The following SLC12A1 variants were observed in gnomAD, a reference collection of about 807,000 sequenced individuals.
SLC12A1 encodes the protein Na-K-2Cl cotransporter.
A neutral mutation model predicts 130.4 loss-of-function variants in SLC12A1; 89 were observed. That is an observed-to-expected ratio of 0.68 (90% CI 0.58 to 0.81). The LOEUF is 0.81. Ranked by LOEUF, SLC12A1 falls within the 40% of genes least tolerant of loss-of-function variation. The pLI is 0.00. For missense variants in SLC12A1, 1,310 were observed against 1,336.4 expected, an observed-to-expected ratio of 0.98 and a Z score of 0.31; for synonymous variants, 499 against 460.0, an observed-to-expected ratio of 1.08 and a Z score of -1.09.
intron 4 of SLC12A1, chr15:48,225,892 T>A (rs2041279249): frequency 1.0e-6 from 1 of 985,190 alleles, no homozygotes; most frequent in Admixed American, 6.1e-5. Flanking sequence ...TGACAGTGAC[T>A]GGTATCACTG....
intron 24 of SLC12A1, 107 bp downstream of exon 24, chr15:48,291,971 C>A: frequency 1.4e-6 from 1 of 713,326 alleles, no homozygotes; most frequent in Non-Finnish European, 2.4e-6. Flanking sequence ...GCAGCGACTT[C>A]TTGATAGGAT....
At chr15:48,234,842 T>C (rs1280767288) in intron 8 of SLC12A1, 35 bp from the exon 9 acceptor site, 8 of 1,608,620 alleles carry the variant, frequency 5.0e-6, no homozygotes, top group Non-Finnish European at 6.8e-6. Context: ...GTGAAAAATG[T>C]CTACATCATA....
rs2042207357 is a variant in SLC12A1 at position 48,299,219 on chromosome 15, A to C, written c.3040A>C (p.Lys1014Gln). The change falls in exon 25 of 27, where the codon AAA becomes CAA. Residue 1014 changes from lysine to glutamine, a missense_variant. Lys to Gln is a moderately conservative substitution (Grantham distance 53). Transcript: ENST00000380993. ...AGATTTAACAACTGCTGAGAAATTA[A>C]AAAGAGAAACTCCGTGGAAAATTAC... ...CKDLTTAEKL[K>Q]RETPWKITDA... is the part of the protein sequence containing the mutation. 6.2e-7 allele frequency: 1 copy of C among 1,609,912 alleles called. No homozygotes were observed. Among genetic ancestry groups the C allele is most frequent in the Non-Finnish European group, 8.5e-7 (1 of 1,178,826 alleles).
intron 13 of SLC12A1, among the ~76,000 whole-genome samples, chr15:48,247,975 G>A (rs887328033): frequency 2.6e-5 from 4 of 152,210 alleles, no homozygotes; most frequent in African/African-American, 9.7e-5. Flanking sequence ...ACTGGCATTT[G>A]AGAATCACTT....
At chr15:48,229,516 G>A (rs1264263352) in intron 6 of SLC12A1, among the ~76,000 whole-genome samples, 188 bp downstream of exon 6, 1 of 152,196 alleles carries the variant, frequency 6.6e-6, no homozygotes, top group Admixed American at 6.5e-5. Context: ...AGCCAAGAAA[G>A]TTTGGATTAG....
chr15:48,251,840 T>A (rs1365551748), intron 15 of SLC12A1, 70 bp downstream of exon 15: 1 of 1,401,160 alleles, frequency 7.1e-7, no homozygotes, highest in African/African-American at 1.4e-5. Context: ...AAGCATTTAT[T>A]GAGCAGCTTC....
chr15:48,296,657 A>G (rs1285869704), intron 24 of SLC12A1, among the ~76,000 whole-genome samples: 1 of 152,234 alleles, frequency 6.6e-6, no homozygotes, highest in Non-Finnish European at 1.5e-5. Context: ...ATGAGGAACA[A>G]GGATGAGGAA....
At chr15:48,229,005 A>C (rs1469058125) in intron 5 of SLC12A1, 184 bp from the exon 6 acceptor site, 5 of 538,574 alleles carry the variant, frequency 9.3e-6, no homozygotes, top group Non-Finnish European at 1.6e-5. Context: ...ATTGTAGATT[A>C]AGTACAGAGT....
chr15:48,250,054 T>C (rs1370449360), intron 14 of SLC12A1, among the ~76,000 whole-genome samples: 1 of 152,180 alleles, frequency 6.6e-6, no homozygotes. Flanking sequence ...TTCCTGCCCA[T>C]GGTGCAGAAG....
chr15:48,217,184 G>A (rs2041132480), intron 2 of SLC12A1, among the ~76,000 whole-genome samples: 1 of 151,904 alleles, frequency 6.6e-6, no homozygotes, highest in African/African-American at 2.4e-5. Flanking sequence ...TACAAGTTGG[G>A]GTGCAACTAT....
intron 24 of SLC12A1, among the ~76,000 whole-genome samples, chr15:48,292,250 G>A (rs1024092966): frequency 6.6e-6 from 1 of 152,084 alleles, no homozygotes; most frequent in African/African-American, 2.4e-5. Context: ...GAGCTCTGAT[G>A]GAGAATATAT....
chr15:48,257,642 C>T (rs1427295766), intron 16 of SLC12A1, among the ~76,000 whole-genome samples: 1 of 152,304 alleles, frequency 6.6e-6, no homozygotes, highest in Non-Finnish European at 1.5e-5. Context: ...TACCTTGGCC[C>T]CTTTTAGCCA....
rs765902420 is a variant in SLC12A1, at chr15:48,207,907, G to C, written c.188G>C (p.Arg63Thr). Residue 63 changes from arginine to threonine, a missense_variant, in exon 2 of 27, where the codon AGG becomes ACG. Arg to Thr is a moderately conservative substitution (Grantham distance 71). Transcript: ENST00000380993. Reference protein sequence around the residue: ...EAQKRLRISFRPGNQECYDNF... With the variant: ...EAQKRLRISFTPGNQECYDNF... ...CAGAAAAGACTCAGAATCAGCTTTAGGCCTGGGAATCAGGAGTGCTATGAC... is the reference window on the plus strand; with the variant it reads ...CAGAAAAGACTCAGAATCAGCTTTACGCCTGGGAATCAGGAGTGCTATGAC... 1.9e-6 allele frequency: 3 copies of C among 1,614,010 alleles called. No individual in the cohort carries two copies. In the East Asian group the frequency reaches 6.7e-5, roughly 36 times the overall value.
chr15:48,253,202 A>T (rs2041667683), intron 15 of SLC12A1, among the ~76,000 whole-genome samples: 1 of 152,240 alleles, frequency 6.6e-6, no homozygotes, highest in Non-Finnish European at 1.5e-5. Flanking sequence ...AACATCACAT[A>T]TAACTTACAT....
At chr15:48,227,265 T>C in intron 5 of SLC12A1, 2 of 970,830 alleles carry the variant, frequency 2.1e-6, no homozygotes, top group Non-Finnish European at 3.2e-6. Context: ...AACATATTGC[T>C]AATTAGTCCC....
intron 20 of SLC12A1, among the ~76,000 whole-genome samples, chr15:48,279,078 A>G (rs1384399393): frequency 2.0e-5 from 3 of 152,254 alleles, no homozygotes; most frequent in Admixed American, 6.5e-5. Flanking sequence ...TAGGGTAAAC[A>G]AAGAAAAACA....
chr15:48,236,014 C>T (rs1277806730), intron 9 of SLC12A1, among the ~76,000 whole-genome samples: 1 of 151,838 alleles, frequency 6.6e-6, no homozygotes, highest in Non-Finnish European at 1.5e-5. Flanking sequence ...CAGCCACATG[C>T]CCAGATAAAA....
At chr15:48,256,125 C>T (rs1199004705) in intron 16 of SLC12A1, among the ~76,000 whole-genome samples, 1 of 152,190 alleles carries the variant, frequency 6.6e-6, no homozygotes, top group African/African-American at 2.4e-5. Context: ...ACTACAGCCC[C>T]TCATAGTGCC....
intron 10 of SLC12A1, 132 bp downstream of exon 10, chr15:48,241,731 C>A (rs147564848): frequency 4.8e-5 from 33 of 688,072 alleles, no homozygotes; most frequent in Admixed American, 1.1e-4. Context: ...GTTCTTGGTA[C>A]CTTAATGTTA....
Sources: gnomAD v4.1 joint callset for allele counts (sites outside exome capture counted in the v4.1 genomes callset) on GRCh38, gnomAD v4.1.1 for gene constraint, MANE v1.5 for transcripts, NCBI Gene and HGNC (gene_info 2026-07-23, HGNC 2026-07-21) for gene names.